LOXL3: variants seen among roughly 807,000 people sequenced by gnomAD.
The protein encoded by LOXL3 is lysyl oxidase homolog 3.
LOXL3 carries 60 observed loss-of-function variants against 91.8 expected under a neutral mutation model. That is an observed-to-expected ratio of 0.65 (90% CI 0.53 to 0.81). LOXL3 has a LOEUF of 0.81. Ranked by LOEUF, LOXL3 falls within the 30% of genes least tolerant of loss-of-function variation. The pLI is 0.00. For synonymous variants in LOXL3, 355 were observed against 387.6 expected (o/e 0.92, Z 0.99); for missense variants, 874 against 1,000.4 (o/e 0.87, Z 1.70).
At chr2:74,538,214 A>C (rs764635559) in intron 4 of LOXL3, among the ~76,000 whole-genome samples, 1 of 152,250 alleles carries the variant, frequency 6.6e-6, no homozygotes, top group Non-Finnish European at 1.5e-5. Flanking sequence ...CCCGTTGTCT[A>C]CAATGAACAA....
chr2:74,549,014 G>T lies in LOXL3; in HGVS notation c.692+355C>A, dbSNP rs1240624085. 1.2e-5 allele frequency: 2 copies of T among 165,216 alleles called. No homozygotes were observed. The highest frequency in any genetic ancestry group is 3.4e-4 in the East Asian group (2 of 5,894). 10.2% of individuals were successfully genotyped at this position (165,216 alleles called of 1,614,324 possible). A position where few individuals can be genotyped will look rare whatever the true frequency, so the allele number is the denominator to read the frequency against. On this transcript the variant is annotated intron_variant, in intron 4 of 13. Transcript: ENST00000264094. The surrounding 1 kb of genome is among the most constrained non-coding windows in gnomAD (Gnocchi z 5.3). ...TCCCAGGGGCGGCCGCGTCCTTACT[G>T]AACTCGGAAATCGCTGGCCGGCAGC...
Position 74,534,519 on chromosome 2 carries a change from C to T in LOXL3, c.1823+12G>A. ...TGGTCTTGCCCTTCTACTTGACTCCCTACCCTCTCACCCATGGCACTCGTG... is the reference window on the plus strand; with the variant it reads ...TGGTCTTGCCCTTCTACTTGACTCCTTACCCTCTCACCCATGGCACTCGTG... On this transcript the variant is annotated intron_variant, in intron 10 of 13. Transcript: ENST00000264094. The T allele has an allele frequency of 6.2e-7, 1 of 1,614,070 alleles. No individual in the cohort carries two copies. The highest frequency in any genetic ancestry group is 2.2e-5 in the East Asian group (1 of 44,880).
In LOXL3 at chr2:74,549,269, G is replaced by A; in HGVS notation, c.692+100C>T. On this transcript the variant is annotated intron_variant, in intron 4 of 13. Coordinates refer to ENST00000264094, the MANE Select transcript of LOXL3 (RefSeq NM_032603.5). This position sits in a 1 kb window ranked among gnomAD's most constrained non-coding sequence, Gnocchi z 5.3. ...TTTTCCCGCGCGTCCCGACCCCCGG[G>A]TCCTCCCGTGCCCCGGACCTGCTCA... is the stretch of plus-strand genomic sequence containing the variant. 7.5e-7 allele frequency: 1 copy of A among 1,330,454 alleles called. No individual in the cohort carries two copies. 82.4% of individuals were successfully genotyped at this position (1,330,454 alleles called of 1,614,324 possible).
chr2:74,533,560 C>A lies in LOXL3; in HGVS notation c.*46G>T. ...CTCCTGAGGTAATGGCAGCCTCAGA[C>A]CCCTGCCATTAGGGGCCAGTGGTGG... On this transcript the variant is annotated 3_prime_UTR_variant, in exon 14 of 14. Transcript: ENST00000264094. 1 of 1,556,458 alleles carries A rather than the reference C, an allele frequency of 6.4e-7. No homozygotes were observed. Among genetic ancestry groups the A allele is most frequent in the Non-Finnish European group, 8.9e-7 (1 of 1,129,336 alleles).
Position 74,535,540 on chromosome 2 carries a change from C to T in LOXL3, c.1416+48G>A, listed in dbSNP as rs780421888. 6 of 1,612,220 alleles carry T rather than the reference C, an allele frequency of 3.7e-6. No homozygotes were observed. Among genetic ancestry groups the T allele is most frequent in the Admixed American group, 1.7e-5 (1 of 59,836 alleles). On this transcript the variant is annotated intron_variant, in intron 8 of 13. Transcript: ENST00000264094. This position sits in a 1 kb window ranked among gnomAD's most constrained non-coding sequence, Gnocchi z 4.2. Reference sequence around the variant, plus strand: ...TCATTCCTCAGCCCTCTGCCCAAAACACAGGCTTTGAGACAACAGCCTCGG... The same window carrying T: ...TCATTCCTCAGCCCTCTGCCCAAAATACAGGCTTTGAGACAACAGCCTCGG...
chr2:74,549,432 CT>C lies in LOXL3; in HGVS notation c.628del (p.Ser210AlafsTer24). ...VCDKGWSAHN[S>X]HVVCGMLGFP... ...GCCCAGCATCCCGCAGACCACGTGG[CT>C]GTTGTGGGCGCTCCAGCCTTTGTCG... On this transcript the variant is annotated frameshift_variant, in exon 4 of 14. Transcript: ENST00000264094. LOFTEE classifies it high-confidence loss of function. The surrounding 1 kb of genome is among the most constrained non-coding windows in gnomAD (Gnocchi z 5.3). 1 of 1,613,190 alleles carries C rather than the reference CT, an allele frequency of 6.2e-7. No individual in the cohort carries two copies. The highest frequency in any genetic ancestry group is 8.5e-7 in the Non-Finnish European group (1 of 1,179,614).
At chr2:74,552,683 C>G (rs1483490992) in intron 1 of LOXL3, 37 bp from the exon 2 acceptor site, 32 of 1,462,022 alleles carry the variant, frequency 2.2e-5, no homozygotes, top group Non-Finnish European at 2.6e-5. Flanking sequence ...GTGAGAGAAA[C>G]AGATTGAGTG....
chr2:74,546,493 C>A (rs915357426), intron 4 of LOXL3, among the ~76,000 whole-genome samples: 4 of 152,142 alleles, frequency 2.6e-5, no homozygotes, highest in African/African-American at 9.7e-5. Context: ...GCCACAGTGG[C>A]CTCCAGGAGA....
At chr2:74,538,924 C>G (rs981933683) in intron 4 of LOXL3, among the ~76,000 whole-genome samples, 14 of 152,284 alleles carry the variant, frequency 9.2e-5, no homozygotes, top group Middle Eastern at 3.4e-3. Context: ...TTCCTGAGAC[C>G]AAGGTAAGGA....
Position 74,534,425 on chromosome 2 carries a change from G to T in LOXL3, c.1830C>A (p.Tyr610Ter). 1.2e-6 allele frequency: 2 copies of T among 1,614,200 alleles called. No homozygotes were observed. Among genetic ancestry groups the T allele is most frequent in the Non-Finnish European group, 1.7e-6 (2 of 1,180,012 alleles). ...AGTGAGTGAAGATGTCCATGCTGTG[G>T]TAATGCCTGTGGGGAGAAGGGAACT... ...SWVWHECHGH[Y>*]HSMDIFTHYD... Residue 610 changes from tyrosine to a stop codon, truncating the protein, a stop_gained, in exon 11 of 14, where the codon TAC becomes TAA. Transcript: ENST00000264094. LOFTEE classifies it high-confidence loss of function.
intron 2 of LOXL3, among the ~76,000 whole-genome samples, chr2:74,551,221 A>T (rs1297718332): frequency 6.6e-6 from 1 of 152,256 alleles, no homozygotes; most frequent in Non-Finnish European, 1.5e-5. Flanking sequence ...GGCGTGAGCC[A>T]CTGAGCCCGG....
Position 74,552,527 on chromosome 2 carries a change from C to T in LOXL3, c.108G>A (p.Lys36=). 6.2e-7 allele frequency: 1 copy of T among 1,613,346 alleles called. No homozygotes were observed. Among genetic ancestry groups the T allele is most frequent in the Non-Finnish European group, 8.5e-7 (1 of 1,179,858 alleles). Residue 36 remains lysine, a synonymous_variant, in exon 2 of 14, where the codon AAG becomes AAA. Coordinates refer to ENST00000264094, the MANE Select transcript of LOXL3 (RefSeq NM_032603.5). ...GGAACCGAAGCCCCTGGCTCCCGGC[C>T]TTCTTCTCAGGGCCCGTGGAAGGGG... ...SPSPSTGPEK[K]AGSQGLRFRL...
In LOXL3 at chr2:74,532,758, G is replaced by A; in HGVS notation, c.*848C>T. ...TGTGATATGGGGATGGGCAAGGTGT[G>A]CATGTGTCCTTGAACTAGGCTTTGT... On this transcript the variant is annotated 3_prime_UTR_variant, in exon 14 of 14. Coordinates refer to ENST00000264094, the MANE Select transcript of LOXL3 (RefSeq NM_032603.5). 2 of 1,611,886 alleles carry A rather than the reference G, an allele frequency of 1.2e-6. No individual in the cohort carries two copies. The highest frequency in any genetic ancestry group is 1.7e-6 in the Non-Finnish European group (2 of 1,178,004).
In LOXL3 at chr2:74,534,374, G is replaced by T. The variant is rs374270177; in HGVS notation, c.1881C>A (p.Thr627=). ...TAGCTTTGTGGCCCTCAGCCACCTT[G>T]GTGCCATTTGGGGTGAGGATATCAT... ...THYDILTPNG[T]KVAEGHKASF... The change falls in exon 11 of 14, where the codon ACC becomes ACA. Residue 627 remains threonine (T), a synonymous_variant. Coordinates refer to ENST00000264094, the MANE Select transcript of LOXL3 (RefSeq NM_032603.5). 2.6e-5 allele frequency: 42 copies of T among 1,614,236 alleles called. No homozygotes were observed. In the African/African-American group the frequency reaches 5.3e-4, roughly 20 times the overall value.
Position 74,552,561 on chromosome 2 carries a change from C to G in LOXL3, c.74G>C (p.Gly25Ala). 6.2e-7 allele frequency: 1 copy of G among 1,611,110 alleles called. No individual in the cohort carries two copies. The highest frequency in any genetic ancestry group is 1.3e-5 in the African/African-American group (1 of 75,014). The change falls in exon 2 of 14, where the codon GGG becomes GCG. Residue 25 changes from glycine to alanine, a missense_variant. Transcript: ENST00000264094. ...LLCLLCSSCL[G>A]SPSPSTGPEK... ...AGGGCCCGTGGAAGGGGACGGAGAC[C>G]CCAAGCACGAACTGCACAGCAGGCA...
At chr2:74,555,596 C>A, upstream of LOXL3, 1 of 1,614,216 alleles carries the variant, frequency 6.2e-7, no homozygotes, top group East Asian at 2.2e-5. This position sits in a 1 kb window ranked among gnomAD's most constrained non-coding sequence, Gnocchi z 6.1. Context: ...GACTCTGGCG[C>A]CTACCGATAA....
At chr2:74,537,674 C>T (rs770099416) in intron 4 of LOXL3, among the ~76,000 whole-genome samples, 1 of 152,200 alleles carries the variant, frequency 6.6e-6, no homozygotes, top group Non-Finnish European at 1.5e-5. Context: ...GCAGTCCATG[C>T]TTCTGCAATT....
chr2:74,539,007 G>A (rs944756255), intron 4 of LOXL3, among the ~76,000 whole-genome samples: 18 of 152,148 alleles, frequency 1.2e-4, no homozygotes, highest in African/African-American at 4.1e-4. Flanking sequence ...CCTCCTCTTG[G>A]TCAGCTCTTT....
chr2:74,548,923 C>T (rs1351075312), intron 4 of LOXL3: 1 of 151,986 alleles, frequency 6.6e-6, no homozygotes, highest in Non-Finnish European at 1.5e-5. Context: ...GGCCATCGCG[C>T]GCCGCCGTCC....
Sources: allele counts gnomAD v4.1 joint callset (sites outside exome capture counted in the v4.1 genomes callset), GRCh38; gene constraint gnomAD v4.1.1; non-coding constraint Gnocchi (gnomAD v3.1); transcripts MANE v1.5; gene names NCBI Gene and HGNC (gene_info 2026-07-23, HGNC 2026-07-21).